The following SOHLH2 variants were observed in gnomAD, a reference collection of about 807,000 sequenced individuals.
SOHLH2 encodes the protein spermatogenesis and oogenesis specific basic helix-loop-helix 2.
A neutral mutation model predicts 50.4 loss-of-function variants in SOHLH2; 22 were observed. The observed-to-expected ratio is 0.44, with a 90% CI of 0.31 to 0.62. The LOEUF (loss-of-function observed/expected upper bound fraction) is 0.62. Ranked by LOEUF, SOHLH2 falls within the 20% of genes least tolerant of loss-of-function variation. SOHLH2 has a pLI of 0.08. For missense variants in SOHLH2, 412 were observed against 504.4 expected, an observed-to-expected ratio of 0.82 and a Z score of 1.76; for synonymous variants, 185 against 187.3, an observed-to-expected ratio of 0.99 and a Z score of 0.10.
At chr13:36,187,489 C>T (rs1004791191) in intron 6 of SOHLH2, among the ~76,000 whole-genome samples, 1 of 152,142 alleles carries the variant, frequency 6.6e-6, no homozygotes, top group East Asian at 1.9e-4. Flanking sequence ...ATCTATGGGA[C>T]AGCACTGGCC....
intron 6 of SOHLH2, among the ~76,000 whole-genome samples, chr13:36,188,238 G>A (rs1013112378): frequency 2.0e-5 from 3 of 152,152 alleles, no homozygotes; most frequent in African/African-American, 7.2e-5. Context: ...AGCCCTGCTC[G>A]AACTGCTAAC....
At chr13:36,176,547 T>C (rs1383845719) in intron 6 of SOHLH2, among the ~76,000 whole-genome samples, 1 of 152,108 alleles carries the variant, frequency 6.6e-6, no homozygotes, top group Non-Finnish European at 1.5e-5. Context: ...CATAATAAGA[T>C]AGCTTGGGGA....
At chr13:36,209,792 C>G (rs895461944) in intron 1 of SOHLH2, among the ~76,000 whole-genome samples, 5 of 152,208 alleles carry the variant, frequency 3.3e-5, no homozygotes, top group African/African-American at 1.2e-4. Flanking sequence ...TGTTTCCAAA[C>G]ATAAATATGA....
chr13:36,203,945 T>C (rs1008535197), intron 1 of SOHLH2, among the ~76,000 whole-genome samples: 1 of 121,902 alleles, frequency 8.2e-6, no homozygotes, highest in Non-Finnish European at 1.6e-5. Flanking sequence ...CCTTTAATTC[T>C]TTTTTTTTGT....
At chr13:36,169,451 C>T (rs1033626354) in intron 10 of SOHLH2, among the ~76,000 whole-genome samples, 23 of 152,122 alleles carry the variant, frequency 1.5e-4, no homozygotes, top group African/African-American at 5.3e-4. Flanking sequence ...TGGAAGGTCA[C>T]TATTATTCCC....
intron 6 of SOHLH2, among the ~76,000 whole-genome samples, chr13:36,188,698 T>C (rs1253126163): frequency 7.9e-5 from 12 of 152,196 alleles, no homozygotes; most frequent in Admixed American, 7.9e-4. Context: ...TTGGTATTCT[T>C]CTTATCTCCT....
rs762068726 is a variant in SOHLH2, at chr13:36,173,681, G to A, written c.1000+11C>T. The A allele has an allele frequency of 4.3e-6, 7 of 1,612,336 alleles. No homozygotes were observed. The stretch of plus-strand genomic sequence containing the variant: ...CCCCTCTAAGTGGCACAGATGCTAG[G>A]AGAAGCTCACCTCTCACAGCTTCAT... On this transcript the variant is annotated intron_variant, in intron 9 of 10. Coordinates refer to ENST00000379881, the MANE Select transcript of SOHLH2 (RefSeq NM_017826.3).
intron 6 of SOHLH2, among the ~76,000 whole-genome samples, chr13:36,185,003 T>G (rs928708458): frequency 4.6e-5 from 7 of 152,092 alleles, no homozygotes; most frequent in Non-Finnish European, 8.8e-5. Flanking sequence ...CTCCCACTTA[T>G]GAGTGAGACC....
chr13:36,194,567 TATTA>T (rs1294970021), intron 2 of SOHLH2, among the ~76,000 whole-genome samples: 2 of 152,188 alleles, frequency 1.3e-5, no homozygotes, highest in African/African-American at 4.8e-5. Context: ...ATTATGGGTG[TATTA>T]TTATACTCTC....
chr13:36,210,679 A>G (rs552355413), intron 1 of SOHLH2, among the ~76,000 whole-genome samples: 23 of 152,204 alleles, frequency 1.5e-4, no homozygotes, highest in Admixed American at 2.6e-4. Flanking sequence ...AATCTCCTTC[A>G]CCTGCAGTAC....
rs1339641223 is a variant in SOHLH2 at position 36,214,418 on chromosome 13, C to A, written c.48+61G>T. 22 of 1,574,446 alleles carry A rather than the reference C, an allele frequency of 1.4e-5. No homozygotes were observed. In the East Asian group the frequency reaches 4.1e-4, roughly 30 times the overall value. Reference sequence around the variant, plus strand: ...GGGCTTTGAGGGCCGAGGGGACCACCGACCTAGGGCCCGCCCGCGAGGTTA... The same window carrying A: ...GGGCTTTGAGGGCCGAGGGGACCACAGACCTAGGGCCCGCCCGCGAGGTTA... On this transcript the variant is annotated intron_variant, in intron 1 of 10. Transcript: ENST00000379881.
At chr13:36,181,597 C>A (rs898496918) in intron 6 of SOHLH2, among the ~76,000 whole-genome samples, 5 of 152,128 alleles carry the variant, frequency 3.3e-5, no homozygotes, top group South Asian at 2.1e-4. Flanking sequence ...AGAAGTTATG[C>A]AAGTGCATTT....
chr13:36,193,862 C>A lies in SOHLH2; in HGVS notation c.269G>T (p.Gly90Val). The change falls in exon 3 of 11, where the codon GGC becomes GTC. Residue 90 changes from glycine (G) to valine (V), a missense_variant. Coordinates refer to ENST00000379881, the MANE Select transcript of SOHLH2 (RefSeq NM_017826.3). ...CAGTGAATGTGTATTTTTCTTTTTG[C>A]CAAATCTGAGAGAGGAAAGAAAATG... ...ELEAIKLIRF[G>V]KKKNTHSLFV... 2 of 1,596,072 alleles carry A rather than the reference C, an allele frequency of 1.3e-6. No individual in the cohort carries two copies. The highest frequency in any genetic ancestry group is 1.2e-5 in the South Asian group (1 of 85,918).
rs183100226 is a variant in SOHLH2 at position 36,171,534 on chromosome 13, C to T, written c.1001-747G>A. On this transcript the variant is annotated intron_variant, in intron 9 of 10. Transcript: ENST00000379881. ...TTAACTGATTGCAACTTCTCTGATC[C>T]TCTTTCCAAAACAATTTGGCAACAT... Among the ~76,000 whole-genome samples, 104 of 152,266 alleles carry T rather than the reference C, an allele frequency of 6.8e-4. 1 individual carries two copies. Among genetic ancestry groups the T allele is most frequent in the Admixed American group, 1.3e-4 (2 of 15,288 alleles).
chr13:36,174,653 AAAG>A (rs1157899158), intron 7 of SOHLH2, 66 bp downstream of exon 7: 7 of 1,597,414 alleles, frequency 4.4e-6, no homozygotes, highest in Non-Finnish European at 5.1e-6. Flanking sequence ...TAAAAAATTA[AAAG>A]AAGTAAAATT....
intron 4 of SOHLH2, among the ~76,000 whole-genome samples, chr13:36,192,213 G>A (rs1440597025): frequency 6.6e-6 from 1 of 152,120 alleles, no homozygotes; most frequent in African/African-American, 2.4e-5. Context: ...GTAAATGTCA[G>A]GAGACAAAAA....
At position 36,168,890 on chromosome 13, in the gene SOHLH2, A is replaced by C. The variant is rs1243742652; in HGVS notation, c.*144T>G. 3 of 1,379,060 alleles carry C rather than the reference A, an allele frequency of 2.2e-6. No homozygotes were observed. The highest frequency in any genetic ancestry group is 5.2e-5 in the East Asian group (2 of 38,568). The allele number at this position is 1,379,060 out of a possible 1,614,324, so 85.4% of individuals were successfully genotyped here. ...TTCTATCTGCAGAAGCTTTGAGTGCATTTATCAGAAGCCAAACCATGCCAA... is the reference window on the plus strand; with the variant it reads ...TTCTATCTGCAGAAGCTTTGAGTGCCTTTATCAGAAGCCAAACCATGCCAA... On this transcript the variant is annotated 3_prime_UTR_variant, in exon 11 of 11. Transcript: ENST00000379881.
intron 2 of SOHLH2, 119 bp downstream of exon 2, chr13:36,201,760 C>T: frequency 7.1e-7 from 1 of 1,409,022 alleles, no homozygotes; most frequent in Non-Finnish European, 9.4e-7. Context: ...ATGAGCCAAT[C>T]CCTGGCCCCT....
rs1566050110 is a variant in SOHLH2 at position 36,214,522 on chromosome 13, G to T, written c.5C>A (p.Ala2Asp). The change falls in exon 1 of 11, where the codon GCT becomes GAT. Residue 2 changes from alanine to aspartate, a missense_variant. Physicochemically the swap from Ala to Asp is moderately radical, Grantham distance 126. Transcript: ENST00000379881. Reference protein sequence around the residue: MASSIICQEHCQ... With the variant: MDSSIICQEHCQ... The stretch of plus-strand genomic sequence containing the variant: ...GTGCTCCTGGCAGATAATTGAGGAA[G>T]CCATGGCCGCTGCGCACGTGCTGGG... The T allele has an allele frequency of 6.2e-7, 1 of 1,612,172 alleles. No individual in the cohort carries two copies. The highest frequency in any genetic ancestry group is 8.5e-7 in the Non-Finnish European group (1 of 1,179,324).
Sources: allele counts gnomAD v4.1 joint callset (sites outside exome capture counted in the v4.1 genomes callset), GRCh38; gene constraint gnomAD v4.1.1; transcripts MANE v1.5; gene names NCBI Gene and HGNC (gene_info 2026-07-23, HGNC 2026-07-21).